CXCL12: variants seen among roughly 807,000 people sequenced by gnomAD.
CXCL12 encodes the protein stromal cell-derived factor 1.
Under a neutral mutation model 10.7 loss-of-function variants are expected in CXCL12, and 4 were observed. The observed-to-expected ratio is 0.37, with a 90% confidence interval of 0.18 to 0.86. The LOEUF (loss-of-function observed/expected upper bound fraction) is 0.86. Ranked by LOEUF, CXCL12 falls within the 40% of genes least tolerant of loss-of-function variation. The probability of loss-of-function intolerance (pLI) is 0.43; values close to 1 mark genes in which losing one functional copy is unlikely to be tolerated. For missense variants in CXCL12, 122 were observed against 110.4 expected (o/e 1.10, Z -0.47); for synonymous variants, 54 against 45.4 (o/e 1.19, Z -0.77).
rs17883967 is a variant in CXCL12 at position 44,382,858 on chromosome 10, C to T, written c.62-1978G>A. Among the ~76,000 whole-genome samples the T allele has an allele frequency of 7.0e-3, 1,073 of 152,348 alleles. 12 individuals carry two copies. Among genetic ancestry groups the T allele is most frequent in the African/African-American group, 0.025 (1,020 of 41,580 alleles). ...CATGGTCTCGTGTGTACCTCATGTG[C>T]TCCTTCCTCCAGCTTTTTGTCAGTA... is the stretch of plus-strand genomic sequence containing the variant. On this transcript the variant is annotated intron_variant, in intron 1 of 2. Transcript: ENST00000343575.
Position 44,380,827 on chromosome 10 carries a change from C to T in CXCL12, c.115G>A (p.Val39Ile). 1 of 1,614,190 alleles carries T rather than the reference C, an allele frequency of 6.2e-7. No individual in the cohort carries two copies. Among genetic ancestry groups the T allele is most frequent in the East Asian group, 2.2e-5 (1 of 44,876 alleles). Residue 39 changes from valine to isoleucine, a missense_variant, in exon 2 of 3, where the codon GTT becomes ATT. Physicochemically the swap from Val to Ile is conservative, Grantham distance 29 (BLOSUM62 3). Coordinates refer to ENST00000343575, the MANE Select transcript of CXCL12 (RefSeq NM_199168.4). ...AGATGCTTGACGTTGGCTCTGGCAA[C>T]ATGGCTTTCGAAGAATCGGCATGGG... ...RCPCRFFESH[V>I]ARANVKHLKI...
Position 44,377,101 on chromosome 10 carries a change from T to C in CXCL12, c.*1532A>G, listed in dbSNP as rs1839478437. 1.0e-6 allele frequency: 1 copy of C among 985,666 alleles called. No homozygotes were observed. The highest frequency in any genetic ancestry group is 1.2e-6 in the Non-Finnish European group (1 of 830,140). 61.1% of individuals were successfully genotyped at this position (985,666 alleles called of 1,614,324 possible). ...AACAACTAATGAATTTTATTTCAGG[T>C]AAATAAATTCCCACATACAGTAGGA... On this transcript the variant is annotated 3_prime_UTR_variant, in exon 3 of 3. Transcript: ENST00000343575.
chr10:44,376,946 C>A, downstream of CXCL12: 1 of 202,872 alleles, frequency 4.9e-6, no homozygotes, highest in Non-Finnish European at 8.7e-6. Context: ...AAAACTTGAG[C>A]TGCAGATCTA....
chr10:44,373,228 G>C, downstream of CXCL12: 1 of 1,559,432 alleles, frequency 6.4e-7, no homozygotes, highest in South Asian at 1.2e-5. Context: ...GGCAATGCCT[G>C]GGGCCCTGCC....
chr10:44,371,014 G>A (rs1360959356), downstream of CXCL12: 3 of 173,732 alleles, frequency 1.7e-5, no homozygotes, highest in Non-Finnish European at 3.7e-5. Flanking sequence ...ACCAGGTCCC[G>A]GAGGGACAGA....
chr10:44,371,382 T>C (rs975224975), downstream of CXCL12: 5 of 473,864 alleles, frequency 1.1e-5, no homozygotes, highest in Non-Finnish European at 1.7e-5. Context: ...TGACAGATTT[T>C]AAAATATCTT....
chr10:44,373,433 C>CT, downstream of CXCL12: 1 of 1,171,556 alleles, frequency 8.5e-7, no homozygotes, highest in Non-Finnish European at 1.3e-6. Context: ...CGCGGAGGCC[C>CT]TGGGGCCAAT....
rs758084195 is a variant in CXCL12 at position 44,378,304 on chromosome 10, TTG to T, written c.*327_*328del. On this transcript the variant is annotated 3_prime_UTR_variant, in exon 3 of 3. Transcript: ENST00000343575. ...AAAATGAGAATGAGAATGATGATGA[TTG>T]TGATGATCATGAAGGAACTAACTGC... is the stretch of plus-strand genomic sequence containing the variant. The T allele has an allele frequency of 6.8e-6, 10 of 1,474,380 alleles. No homozygotes were observed. The Admixed American group carries it at 1.8e-4, about 26-fold the overall frequency. 91.3% of individuals were successfully genotyped at this position (1,474,380 alleles called of 1,614,324 possible).
chr10:44,373,047 G>A, downstream of CXCL12: 1 of 1,536,136 alleles, frequency 6.5e-7, no homozygotes, highest in Middle Eastern at 1.7e-4. Context: ...TCAGAGGAGT[G>A]GCTCCGTGGA....
chr10:44,371,678 C>T (rs1004151219), downstream of CXCL12: 1 of 154,012 alleles, frequency 6.5e-6, no homozygotes, highest in Admixed American at 6.5e-5. Context: ...AATTCAAGAA[C>T]AGTTACAATT....
Position 44,384,951 on chromosome 10 carries a change from T to C in CXCL12, c.55A>G (p.Ser19Gly). The change falls in exon 1 of 3, where the codon AGC (serine) becomes GGC (glycine). Residue 19 changes from serine to glycine, a missense_variant. By Grantham distance (56) the Ser-to-Gly change is moderately conservative (BLOSUM62 0). Transcript: ENST00000343575. ...LVLVLTALCL[S>G]DGKPVSLSYR... ...CCCCGCCGAGCGCACTTACCGTCGC[T>C]GAGGCAGAGCGCGGTCAGCACGAGG... 1.4e-6 allele frequency: 2 copies of C among 1,408,374 alleles called. No homozygotes were observed. The highest frequency in any genetic ancestry group is 2.1e-5 in the Admixed American group (1 of 48,668). The allele number at this position is 1,408,374 out of a possible 1,614,324, so 87.2% of individuals were successfully genotyped here.
chr10:44,377,758 C>T lies in CXCL12; in HGVS notation c.*875G>A. 1 of 1,598,362 alleles carries T rather than the reference C, an allele frequency of 6.3e-7. No homozygotes were observed. The highest frequency in any genetic ancestry group is 8.5e-7 in the Non-Finnish European group (1 of 1,179,812). ...GTAAGCAGGGGGACCATTACACATCCCCAGGAGAGGGCCAGCTCCATTCTG... is the reference window on the plus strand; with the variant it reads ...GTAAGCAGGGGGACCATTACACATCTCCAGGAGAGGGCCAGCTCCATTCTG... On this transcript the variant is annotated 3_prime_UTR_variant, in exon 3 of 3. Coordinates refer to ENST00000343575, the MANE Select transcript of CXCL12 (RefSeq NM_199168.4).
downstream of CXCL12, chr10:44,372,881 G>A (rs1355784603): frequency 2.0e-6 from 3 of 1,534,440 alleles, no homozygotes; most frequent in African/African-American, 1.4e-5. Flanking sequence ...ACAGAGAGAA[G>A]CCTTCACTAG....
intron 1 of CXCL12, 48 bp downstream of exon 1, chr10:44,384,897 A>G: frequency 6.6e-7 from 1 of 1,503,806 alleles, no homozygotes; most frequent in Non-Finnish European, 8.8e-7. Flanking sequence ...GCCGGGCGGG[A>G]GCCGAAGCCC....
In CXCL12 at chr10:44,378,218, G is replaced by GT. The variant is rs1347283068; in HGVS notation, c.*414_*415insA. ...ACCTGACTGTGCCCAGACTCCCCAG[G>GT]GGAGCAGAGGAGATGCTCCAAACAA... On this transcript the variant is annotated 3_prime_UTR_variant, in exon 3 of 3. Transcript: ENST00000343575. 6.3e-5 allele frequency: 91 copies of GT among 1,450,310 alleles called. No homozygotes were observed. In the Admixed American group the frequency reaches 7.8e-4, roughly 12 times the overall value. The allele number at this position is 1,450,310 out of a possible 1,614,324, so 89.8% of individuals were successfully genotyped here.
At chr10:44,384,571 G>A (rs1839738714) in intron 1 of CXCL12, among the ~76,000 whole-genome samples, 1 of 152,250 alleles carries the variant, frequency 6.6e-6, no homozygotes, top group East Asian at 1.9e-4. Flanking sequence ...TGTGGAAACC[G>A]AGCCCGCAGC....
intron 1 of CXCL12, among the ~76,000 whole-genome samples, chr10:44,383,835 G>C (rs186085158): frequency 2.0e-5 from 3 of 152,202 alleles, no homozygotes; most frequent in African/African-American, 7.2e-5. Context: ...ACCCAGCCAA[G>C]GGCTCGAGGC....
In CXCL12 at chr10:44,380,745, T is replaced by C. The variant is rs1225066302; in HGVS notation, c.179+18A>G. ...ATGCAACTATGTTCGTTAGATGATGTTCAATTTCAAGACTTACACAATCTG... is the reference window on the plus strand; with the variant it reads ...ATGCAACTATGTTCGTTAGATGATGCTCAATTTCAAGACTTACACAATCTG... On this transcript the variant is annotated intron_variant, in intron 2 of 2. Transcript: ENST00000343575. The C allele has an allele frequency of 1.3e-6, 2 of 1,585,884 alleles. No homozygotes were observed.
At chr10:44,382,897 C>T (rs1839674542) in intron 1 of CXCL12, among the ~76,000 whole-genome samples, 1 of 152,214 alleles carries the variant, frequency 6.6e-6, no homozygotes, top group Non-Finnish European at 1.5e-5. Flanking sequence ...CTAACTTTCC[C>T]AACCGTTCTG....
Sources: allele counts gnomAD v4.1 joint callset (sites outside exome capture counted in the v4.1 genomes callset), GRCh38; gene constraint gnomAD v4.1.1; transcripts MANE v1.5; gene names NCBI Gene and HGNC (gene_info 2026-07-23, HGNC 2026-07-21).